MYO1E: variants seen among roughly 807,000 people sequenced by gnomAD.
The protein encoded by MYO1E is unconventional myosin-Ie.
MYO1E carries 68 observed loss-of-function variants against 151.1 expected under a neutral mutation model. That is an observed-to-expected ratio of 0.45 (90% CI 0.37 to 0.55). The LOEUF is 0.55. MYO1E is among the 20% of genes least tolerant of loss of function. MYO1E has a pLI of 0.00. For synonymous variants in MYO1E, 601 were observed against 501.7 expected (o/e 1.20, Z -2.64); for missense variants, 1,363 against 1,389.3 (o/e 0.98, Z 0.30).
In MYO1E at chr15:59,153,652, G is replaced by A. The variant is rs1195131247; in HGVS notation, c.3018C>T (p.Asp1006=). The A allele has an allele frequency of 6.2e-7, 1 of 1,614,168 alleles. No homozygotes were observed. Among genetic ancestry groups the A allele is most frequent in the South Asian group, 1.1e-5 (1 of 91,078 alleles). The change falls in exon 26 of 28, where the codon GAC becomes GAT. Residue 1006 remains aspartate, a synonymous_variant. Transcript: ENST00000288235. ...PLPRQQSTSS[D]RVSQTPESLD... Reference sequence around the variant, plus strand: ...GGCTCTCTGGCGTCTGTGACACTCGGTCTGAACTGGTAGACTGCTGCCGAG... The same window carrying A: ...GGCTCTCTGGCGTCTGTGACACTCGATCTGAACTGGTAGACTGCTGCCGAG...
At chr15:59,208,973 T>C (rs185062804) in intron 13 of MYO1E, 125 bp from the exon 14 acceptor site, 8 of 1,171,754 alleles carry the variant, frequency 6.8e-6, no homozygotes, top group Non-Finnish European at 8.6e-6. Context: ...AAAGTCAGTA[T>C]TCCCCTTCAG....
At chr15:59,340,008 T>C (rs4775152) in intron 1 of MYO1E, among the ~76,000 whole-genome samples, 27,494 of 151,956 alleles carry the variant, frequency 0.18, 3,281 homozygotes, top group East Asian at 0.49. Flanking sequence ...CTACCACATC[T>C]GGCTAATTTT....
At chr15:59,340,096 T>C (rs561740343) in intron 1 of MYO1E, among the ~76,000 whole-genome samples, 1 of 152,192 alleles carries the variant, frequency 6.6e-6, no homozygotes, top group Admixed American at 6.5e-5. Flanking sequence ...CCTCAGGTGA[T>C]CTGCCTGTCT....
intron 4 of MYO1E, among the ~76,000 whole-genome samples, chr15:59,246,759 A>G (rs1596383325): frequency 6.6e-6 from 1 of 152,356 alleles, no homozygotes; most frequent in East Asian, 1.9e-4. Flanking sequence ...AATCCACTGG[A>G]TAACAAGTCA....
intron 12 of MYO1E, among the ~76,000 whole-genome samples, chr15:59,212,493 C>T (rs1177555349): frequency 6.6e-6 from 1 of 152,112 alleles, no homozygotes; most frequent in African/African-American, 2.4e-5. Context: ...ATTTCACATC[C>T]ACCTGGAACC....
intron 2 of MYO1E, chr15:59,271,006 G>A (rs1407478582): frequency 6.6e-6 from 1 of 151,962 alleles, no homozygotes; most frequent in Non-Finnish European, 1.5e-5. Context: ...CTTGAAAACA[G>A]AGGTTCAGAG....
Position 59,136,825 on chromosome 15 carries a change from T to C in MYO1E, c.*555A>G, listed in dbSNP as rs1430795549. 2.2e-6 allele frequency: 1 copy of C among 454,224 alleles called. No individual in the cohort carries two copies. The highest frequency in any genetic ancestry group is 2.4e-5 in the Admixed American group (1 of 42,352). The allele number at this position is 454,224 out of a possible 1,614,324, so 28.1% of individuals were successfully genotyped here. On this transcript the variant is annotated 3_prime_UTR_variant, in exon 28 of 28. Coordinates refer to ENST00000288235, the MANE Select transcript of MYO1E (RefSeq NM_004998.4). ...CCGGCAAAGTGTAAACCAGTGCCCC[T>C]CTGTCGCCCTGGGCTCAGCAGGCCA...
chr15:59,309,217 G>A (rs143602443), intron 1 of MYO1E, among the ~76,000 whole-genome samples: 63 of 152,260 alleles, frequency 4.1e-4, no homozygotes, highest in African/African-American at 1.4e-3. Flanking sequence ...CTCTGAGCCC[G>A]GCACCTTACA....
At chr15:59,247,958 C>A (rs1364377058) in intron 4 of MYO1E, among the ~76,000 whole-genome samples, 1 of 151,462 alleles carries the variant, frequency 6.6e-6, no homozygotes, top group Non-Finnish European at 1.5e-5. Flanking sequence ...CCCTTCTATA[C>A]TAAAAAATAC....
At chr15:59,153,472 G>A (rs1182968954) in intron 26 of MYO1E, 118 bp downstream of exon 26, 22 of 1,148,920 alleles carry the variant, frequency 1.9e-5, no homozygotes, top group Non-Finnish European at 2.8e-5. Flanking sequence ...TAGCACTGAG[G>A]TGGAAAACTA....
At chr15:59,140,953 C>T (rs1438960648) in intron 26 of MYO1E, among the ~76,000 whole-genome samples, 7 of 152,188 alleles carry the variant, frequency 4.6e-5, no homozygotes, top group Non-Finnish European at 1.0e-4. Context: ...TGACATCATT[C>T]GTTTTCTACC....
intron 4 of MYO1E, among the ~76,000 whole-genome samples, chr15:59,239,784 G>A (rs559393246): frequency 4.6e-5 from 7 of 152,128 alleles, no homozygotes; most frequent in African/African-American, 7.2e-5. Context: ...TCAATTTACA[G>A]ACACTTAAGA....
intron 3 of MYO1E, among the ~76,000 whole-genome samples, chr15:59,259,209 T>C (rs1355129881): frequency 1.3e-5 from 2 of 152,234 alleles, no homozygotes; most frequent in South Asian, 2.1e-4. Context: ...TCAAATATCA[T>C]TGAGAAATAA....
Position 59,230,251 on chromosome 15 carries a change from T to C in MYO1E, c.510+1451A>G, listed in dbSNP as rs56702038. On this transcript the variant is annotated intron_variant, in intron 6 of 27. Transcript: ENST00000288235. ...GTGTGTGTGTGTGTGTGTGTGTGTG[T>C]GTGCAGGTGAATGTGTGTCTGAATT... 3.3e-3 allele frequency among the ~76,000 whole-genome samples: 495 copies of C among 151,774 alleles called. 6 individuals are homozygous for C. Among genetic ancestry groups the C allele is most frequent in the Middle Eastern group, 0.01 (3 of 294 alleles).
intron 27 of MYO1E, 121 bp from the exon 28 acceptor site, chr15:59,137,577 C>G: frequency 1.2e-6 from 1 of 830,750 alleles, no homozygotes; most frequent in South Asian, 1.4e-5. Flanking sequence ...TCCCTTTGTT[C>G]TTTAAATCAA....
intron 26 of MYO1E, among the ~76,000 whole-genome samples, chr15:59,147,595 T>TTAAAAAAAAAAAA (rs1566963989): frequency 1.7e-4 from 1 of 5,976 alleles, no homozygotes; most frequent in African/African-American, 4.5e-4. Flanking sequence ...AGACTCTGTC[T>TTAAAAAAAAAAAA]CAAAAAAAAA....
At chr15:59,371,904 CG>C (rs1434749070) in intron 1 of MYO1E, among the ~76,000 whole-genome samples, 1 of 150,830 alleles carries the variant, frequency 6.6e-6, no homozygotes, top group Non-Finnish European at 1.5e-5. Context: ...CCCTACCTGG[CG>C]CCCCCGCCTG....
At chr15:59,330,631 A>G (rs543241866) in intron 1 of MYO1E, among the ~76,000 whole-genome samples, 1 of 152,324 alleles carries the variant, frequency 6.6e-6, no homozygotes, top group African/African-American at 2.4e-5. Flanking sequence ...ACTTGCAGGT[A>G]TTTACAATAG....
chr15:59,281,225 TATG>T (rs1480490215), intron 1 of MYO1E, among the ~76,000 whole-genome samples: 26 of 152,330 alleles, frequency 1.7e-4, no homozygotes, highest in Non-Finnish European at 2.9e-4. Context: ...CTGGGATTAC[TATG>T]ATGTCTGACT....
Sources: allele counts gnomAD v4.1 joint callset (sites outside exome capture counted in the v4.1 genomes callset), GRCh38; gene constraint gnomAD v4.1.1; transcripts MANE v1.5; gene names NCBI Gene and HGNC (gene_info 2026-07-23, HGNC 2026-07-21).